TANGO6: variants seen among roughly 807,000 people sequenced by gnomAD.
TANGO6 encodes transport and Golgi organization protein 6 homolog.
Under a neutral mutation model 114.2 loss-of-function variants are expected in TANGO6, and 90 were observed. The observed-to-expected ratio is 0.79, with a 90% CI of 0.66 to 0.94. TANGO6 has a LOEUF of 0.94. TANGO6 is among the 40% of genes least tolerant of loss of function. TANGO6 has a pLI of 0.00. For synonymous variants in TANGO6, 477 were observed against 509.8 expected (o/e 0.94, Z 0.87); for missense variants, 1,274 against 1,315.3 (o/e 0.97, Z 0.49).
chr16:68,877,483 A>G (rs957753449), intron 5 of TANGO6, among the ~76,000 whole-genome samples: 2 of 149,382 alleles, frequency 1.3e-5, no homozygotes, highest in Admixed American at 6.7e-5. Context: ...AAAAAAAAAA[A>G]GGAAAAAGAA....
At chr16:68,870,959 T>G (rs1311755096) in intron 4 of TANGO6, among the ~76,000 whole-genome samples, 3 of 151,530 alleles carry the variant, frequency 2.0e-5, no homozygotes, top group African/African-American at 7.3e-5. Context: ...TTTTTTTTTT[T>G]TTTGTATTTT....
chr16:69,013,547 G>A (rs1446565687), intron 15 of TANGO6, among the ~76,000 whole-genome samples: 1 of 150,380 alleles, frequency 6.6e-6, no homozygotes, highest in African/African-American at 2.5e-5. Context: ...AACCTGGGAG[G>A]TCAAGTCTGC....
intron 15 of TANGO6, among the ~76,000 whole-genome samples, chr16:69,013,938 G>A (rs540742712): frequency 3.9e-5 from 6 of 152,198 alleles, no homozygotes; most frequent in East Asian, 1.9e-4. Flanking sequence ...GATTACAGAC[G>A]TGAGCCACCG....
At chr16:68,905,055 T>C (rs1962831935) in intron 9 of TANGO6, among the ~76,000 whole-genome samples, 1 of 151,900 alleles carries the variant, frequency 6.6e-6, no homozygotes. Context: ...AAACCCCGTC[T>C]CTACTAAAAA....
intron 11 of TANGO6, among the ~76,000 whole-genome samples, chr16:68,914,222 C>T (rs1336010570): frequency 6.6e-6 from 1 of 152,200 alleles, no homozygotes; most frequent in African/African-American, 2.4e-5. Flanking sequence ...AGTGCAATGG[C>T]GTGATCTCGG....
intron 12 of TANGO6, among the ~76,000 whole-genome samples, chr16:68,921,682 A>G (rs537208684): frequency 1.1e-4 from 15 of 140,724 alleles, no homozygotes; most frequent in Non-Finnish European, 1.8e-4. Flanking sequence ...AATGTAAGAT[A>G]GATCACAAAA....
intron 17 of TANGO6, among the ~76,000 whole-genome samples, chr16:69,071,095 T>G (rs945185002): frequency 6.6e-6 from 1 of 152,162 alleles, no homozygotes; most frequent in African/African-American, 2.4e-5. Context: ...AAAGCAAAAT[T>G]TAGGAATGCC....
Position 68,859,932 on chromosome 16 carries a change from C to G in TANGO6, c.143C>G (p.Ala48Gly), listed in dbSNP as rs1445697678. ...GTCACAAAACATGATGTCTTGTTGG[C>G]TACTTTAAAATCTAACCTGTCTGCT... ...LQVTKHDVLLATLKSNLSALE... is the reference protein window; with the variant it reads ...LQVTKHDVLLGTLKSNLSALE... Residue 48 changes from alanine to glycine, a missense_variant, in exon 2 of 18, where the codon GCT becomes GGT. Around this residue, in one of 5 missense-constraint regions of TANGO6, gnomAD observed 114 missense variants for 104.6 expected, o/e 1.09. Transcript: ENST00000261778. The G allele has an allele frequency of 6.2e-7, 1 of 1,605,384 alleles. No homozygotes were observed. The highest frequency in any genetic ancestry group is 8.5e-7 in the Non-Finnish European group (1 of 1,174,976).
intron 16 of TANGO6, among the ~76,000 whole-genome samples, chr16:69,040,037 GCATATAATATACAGTACA>G (rs1959749275): frequency 6.6e-6 from 1 of 152,150 alleles, no homozygotes; most frequent in Non-Finnish European, 1.5e-5. Flanking sequence ...TTTACAAAAT[GCATATAATATACAGTACA>G]CATATTCCTT....
intron 7 of TANGO6, among the ~76,000 whole-genome samples, chr16:68,887,164 C>A (rs1962550238): frequency 1.3e-5 from 2 of 152,282 alleles, no homozygotes; most frequent in Non-Finnish European, 2.9e-5. Flanking sequence ...TTTTATAATC[C>A]CCAACCTGTT....
At chr16:69,059,453 GCCTCAGCCT>G (rs1335351660) in intron 17 of TANGO6, among the ~76,000 whole-genome samples, 5 of 151,842 alleles carry the variant, frequency 3.3e-5, no homozygotes, top group African/African-American at 9.7e-5. Flanking sequence ...TGTTCCGCCC[GCCTCAGCCT>G]CCCAAAGTTC....
intron 16 of TANGO6, among the ~76,000 whole-genome samples, chr16:69,039,285 A>G (rs1474540575): frequency 6.7e-5 from 10 of 149,868 alleles, no homozygotes; most frequent in African/African-American, 2.5e-4. Context: ...CTGACATTGC[A>G]CCACTGCACT....
chr16:69,074,840 A>G (rs112290379), intron 17 of TANGO6, among the ~76,000 whole-genome samples: 98 of 95,126 alleles, frequency 1.0e-3, no homozygotes, highest in African/African-American at 1.4e-3. Flanking sequence ...GTGTGTGTGT[A>G]TAATTATTAT....
intron 16 of TANGO6, among the ~76,000 whole-genome samples, chr16:69,037,170 A>G (rs1959702346): frequency 6.6e-6 from 1 of 151,456 alleles, no homozygotes; most frequent in South Asian, 2.1e-4. Context: ...TTGCCCTTGA[A>G]GGGAAAGCCC....
Position 68,974,068 on chromosome 16 carries a change from GC to G in TANGO6, c.2744del (p.Pro915ArgfsTer20), listed in dbSNP as rs1250509060. ...LSDVYPEKIL[P>X]DLLAQYDSSK... ...CAGACGTCTATCCTGAGAAAATCTTGCCGGACTTGTTGGCTCAATATGACAG... is the reference window on the plus strand; with the variant it reads ...CAGACGTCTATCCTGAGAAAATCTTGCGGACTTGTTGGCTCAATATGACAG... On this transcript the variant is annotated frameshift_variant, in exon 15 of 18. Transcript: ENST00000261778. LOFTEE classifies it high-confidence loss of function. 3 of 1,612,968 alleles carry G rather than the reference GC, an allele frequency of 1.9e-6. No homozygotes were observed. The East Asian group carries it at 6.7e-5, about 36-fold the overall frequency.
At chr16:68,975,997 C>T (rs946507551) in intron 15 of TANGO6, among the ~76,000 whole-genome samples, 16 of 152,140 alleles carry the variant, frequency 1.1e-4, no homozygotes, top group East Asian at 3.9e-4. Flanking sequence ...TTCATTGGCA[C>T]GGTCATGGCT....
intron 1 of TANGO6, among the ~76,000 whole-genome samples, chr16:68,844,361 A>G (rs1202424108): frequency 6.6e-6 from 1 of 152,138 alleles, no homozygotes; most frequent in Non-Finnish European, 1.5e-5. Flanking sequence ...TGGTCAAATT[A>G]GGGGCAGAAC....
At chr16:68,875,482 C>T (rs1027763231) in intron 5 of TANGO6, among the ~76,000 whole-genome samples, 192 bp downstream of exon 5, 2 of 151,926 alleles carry the variant, frequency 1.3e-5, no homozygotes, top group African/African-American at 4.8e-5. Flanking sequence ...TTAAGAATGA[C>T]GAGGCCAGGC....
Position 68,901,106 on chromosome 16 carries a change from G to A in TANGO6, c.1490+560G>A, listed in dbSNP as rs557654162. On this transcript the variant is annotated intron_variant, in intron 8 of 17. Transcript: ENST00000261778. ...GTAATTTATGTTGTTTCTTCCTCCA[G>A]GTAAGAGTTATCTTATCTCAAGTCC... Among the ~76,000 whole-genome samples the A allele has an allele frequency of 2.0e-5, 3 of 152,208 alleles. No homozygotes were observed. The East Asian group carries it at 5.8e-4, about 29-fold the overall frequency.
Sources: allele counts gnomAD v4.1 joint callset (sites outside exome capture counted in the v4.1 genomes callset), GRCh38; gene constraint gnomAD v4.1.1; regional missense constraint gnomAD v4.1.1; transcripts MANE v1.5; gene names NCBI Gene and HGNC (gene_info 2026-07-23, HGNC 2026-07-21).